The following CHSY1 variants were observed in gnomAD, a reference collection of about 807,000 sequenced individuals.
The protein encoded by CHSY1 is N-acetylgalactosaminyl-proteoglycan 3-beta-glucuronosyltransferase 1.
Under a neutral mutation model 59.8 loss-of-function variants are expected in CHSY1, and 13 were observed. That is an observed-to-expected ratio of 0.22 (90% CI 0.14 to 0.35). The LOEUF (loss-of-function observed/expected upper bound fraction) is 0.35, where lower values mean the gene tolerates loss of function less well. Ranked by LOEUF, CHSY1 falls within the 10% of genes least tolerant of loss-of-function variation. CHSY1 has a pLI of 1.00. For missense variants in CHSY1, 947 were observed against 1,030.6 expected (o/e 0.92, Z 1.11); for synonymous variants, 459 against 401.2 (o/e 1.14, Z -1.72).
chr15:101,186,007 G>A (rs899003431), intron 2 of CHSY1, among the ~76,000 whole-genome samples: 4 of 151,736 alleles, frequency 2.6e-5, no homozygotes, highest in African/African-American at 9.7e-5. Context: ...CTGAGCTCCA[G>A]GCAATTTCCT....
intron 2 of CHSY1, chr15:101,188,147 G>A (rs757713241): frequency 1.8e-5 from 18 of 985,446 alleles, no homozygotes; most frequent in Non-Finnish European, 2.2e-5. Context: ...CTGCTACAGA[G>A]CGACAACTTC....
chr15:101,241,369 G>A lies in CHSY1; in HGVS notation c.321-5792C>T, dbSNP rs1017315331. ...CTCCCAAAGGGCTGGGATTACCGGC[G>A]GAAGCCATTGCGCCCGGCCAATAGT... On this transcript the variant is annotated intron_variant, in intron 1 of 2. Transcript: ENST00000254190. Among the ~76,000 whole-genome samples, 3 of 152,294 alleles carry A rather than the reference G, an allele frequency of 2.0e-5. No homozygotes were observed. The South Asian group carries it at 6.2e-4, about 32-fold the overall frequency.
chr15:101,196,904 A>G (rs900046298), intron 2 of CHSY1, among the ~76,000 whole-genome samples: 4 of 152,212 alleles, frequency 2.6e-5, no homozygotes, highest in Non-Finnish European at 5.9e-5. Context: ...AATATACCAC[A>G]TTGGCTGTAT....
intron 1 of CHSY1, among the ~76,000 whole-genome samples, chr15:101,250,720 T>C (rs1053558728): frequency 6.6e-6 from 1 of 152,238 alleles, no homozygotes; most frequent in African/African-American, 2.4e-5. Flanking sequence ...GCTCCAGCTT[T>C]GCAAGGACAA....
At chr15:101,219,683 G>C (rs368963392) in intron 2 of CHSY1, among the ~76,000 whole-genome samples, 15 of 152,134 alleles carry the variant, frequency 9.9e-5, no homozygotes, top group Admixed American at 9.2e-4. Context: ...TTCAAGTACT[G>C]TCTCGTACAC....
intron 2 of CHSY1, among the ~76,000 whole-genome samples, chr15:101,204,662 G>A (rs2141256230): frequency 6.6e-6 from 1 of 151,736 alleles, no homozygotes; most frequent in East Asian, 1.9e-4. Context: ...CCAGCACTTT[G>A]GGAGGCCAAG....
chr15:101,250,048 C>A (rs960371691), intron 1 of CHSY1, among the ~76,000 whole-genome samples: 3 of 152,192 alleles, frequency 2.0e-5, no homozygotes, highest in African/African-American at 7.2e-5. Context: ...CTCACAACAT[C>A]TAGTGCCTGA....
intron 1 of CHSY1, among the ~76,000 whole-genome samples, chr15:101,244,609 C>T (rs1242305282): frequency 6.6e-6 from 1 of 152,230 alleles, no homozygotes; most frequent in Non-Finnish European, 1.5e-5. Context: ...TAAAAGATCA[C>T]TTGGCATCAC....
intron 2 of CHSY1, among the ~76,000 whole-genome samples, chr15:101,188,373 G>A (rs530254908): frequency 5.1e-4 from 78 of 152,290 alleles, no homozygotes; most frequent in Admixed American, 1.0e-3. Context: ...AGGACCTTGT[G>A]AGATGAAAGA....
Position 101,194,762 on chromosome 15 carries a change from A to C in CHSY1, c.817-15782T>G, listed in dbSNP as rs559199123. 1.4e-3 allele frequency among the ~76,000 whole-genome samples: 208 copies of C among 152,168 alleles called. 2 individuals carry two copies. The highest frequency in any genetic ancestry group is 4.8e-3 in the African/African-American group (201 of 41,512). ...CCTCTATTTCTAAATTAAATCACAA[A>C]CCCTGACTTTTTGTATGCATGGGTT... On this transcript the variant is annotated intron_variant, in intron 2 of 2. Transcript: ENST00000254190.
chr15:101,225,793 A>C (rs548034659), intron 2 of CHSY1, among the ~76,000 whole-genome samples: 12 of 152,354 alleles, frequency 7.9e-5, no homozygotes, highest in African/African-American at 2.9e-4. Context: ...TAGCCGTGTG[A>C]GAACGGACTA....
chr15:101,183,093 A>G (rs1418548581), intron 2 of CHSY1, among the ~76,000 whole-genome samples: 1 of 152,184 alleles, frequency 6.6e-6, no homozygotes, highest in East Asian at 1.9e-4. Flanking sequence ...CAGCAAAACA[A>G]AGGAGTAGAG....
At chr15:101,249,150 T>C (rs1254016055) in intron 1 of CHSY1, among the ~76,000 whole-genome samples, 1 of 151,856 alleles carries the variant, frequency 6.6e-6, no homozygotes, top group Non-Finnish European at 1.5e-5. Flanking sequence ...CCCCCACTGA[T>C]TTGAATATAT....
chr15:101,177,700 A>G lies in CHSY1; in HGVS notation c.2097T>C (p.Tyr699=). 2.5e-6 allele frequency: 4 copies of G among 1,614,246 alleles called. No homozygotes were observed. Among genetic ancestry groups the G allele is most frequent in the Non-Finnish European group, 3.4e-6 (4 of 1,180,040 alleles). Residue 699 remains tyrosine, a synonymous_variant, in exon 3 of 3, where the codon TAT becomes TAC. Transcript: ENST00000254190. ...RNYGFGITCI[Y]KGDLVRVGGF... is the part of the protein sequence containing the mutation. ...CACCCACTCGGACAAGATCTCCCTT[A>G]TAAATACACGTGATGCCAAACCCAT...
intron 1 of CHSY1, 129 bp from the exon 2 acceptor site, chr15:101,235,706 T>A: frequency 9.9e-7 from 1 of 1,005,064 alleles, no homozygotes; most frequent in Non-Finnish European, 1.5e-6. Flanking sequence ...CCTGCTTGGT[T>A]CCTCTTAACG....
chr15:101,222,834 G>A (rs941120032), intron 2 of CHSY1, among the ~76,000 whole-genome samples: 3 of 152,172 alleles, frequency 2.0e-5, no homozygotes, highest in African/African-American at 7.2e-5. Flanking sequence ...TGATGTCAAG[G>A]TGGTGTCCAC....
intron 2 of CHSY1, among the ~76,000 whole-genome samples, chr15:101,195,181 T>G (rs1181554835): frequency 6.6e-6 from 1 of 152,224 alleles, no homozygotes; most frequent in Admixed American, 6.5e-5. Context: ...AATCCTACTC[T>G]GACATTTGAA....
intron 1 of CHSY1, among the ~76,000 whole-genome samples, chr15:101,245,062 A>T (rs1244133111): frequency 6.6e-6 from 1 of 152,162 alleles, no homozygotes; most frequent in Non-Finnish European, 1.5e-5. Flanking sequence ...GTACTTGACC[A>T]ACTCTAGCCA....
Position 101,234,223 on chromosome 15 carries a change from A to G in CHSY1, c.816+859T>C, listed in dbSNP as rs184767060. 4.6e-5 allele frequency among the ~76,000 whole-genome samples: 7 copies of G among 152,386 alleles called. No homozygotes were observed. The East Asian group carries it at 1.3e-3, about 29-fold the overall frequency. ...TTGCACGACAACTATTCTGAAAGCAACAACTATATTATAAACTCACAGATT... is the reference window on the plus strand; with the variant it reads ...TTGCACGACAACTATTCTGAAAGCAGCAACTATATTATAAACTCACAGATT... On this transcript the variant is annotated intron_variant, in intron 2 of 2. Coordinates refer to ENST00000254190, the MANE Select transcript of CHSY1 (RefSeq NM_014918.5).
Sources: gnomAD v4.1 joint callset for allele counts (sites outside exome capture counted in the v4.1 genomes callset) on GRCh38, gnomAD v4.1.1 for gene constraint, MANE v1.5 for transcripts, NCBI Gene and HGNC (gene_info 2026-07-23, HGNC 2026-07-21) for gene names.